Variants in TDRD9 observed in about 807,000 individuals in gnomAD.
TDRD9 encodes ATP-dependent RNA helicase TDRD9.
TDRD9 carries 124 observed loss-of-function variants against 172.6 expected under a neutral mutation model. That is an observed-to-expected ratio of 0.72 (90% CI 0.62 to 0.83). The LOEUF is 0.83. Ranked by LOEUF, TDRD9 falls within the 40% of genes least tolerant of loss-of-function variation. The pLI, the probability that TDRD9 is intolerant of heterozygous loss-of-function variation, is 0.00. For synonymous variants in TDRD9, 619 were observed against 617.1 expected (o/e 1.00, Z -0.05); for missense variants, 1,479 against 1,714.1 (o/e 0.86, Z 2.42).
intron 13 of TDRD9, among the ~76,000 whole-genome samples, chr14:104,003,711 C>A (rs1001750558): frequency 2.0e-5 from 3 of 151,982 alleles, no homozygotes; most frequent in African/African-American, 7.3e-5. Context: ...TGTGGGCCAG[C>A]CTTGGTTCTG....
chr14:104,043,344 C>T (rs1322296332), intron 34 of TDRD9, among the ~76,000 whole-genome samples: 4 of 151,906 alleles, frequency 2.6e-5, no homozygotes, highest in South Asian at 2.1e-4. Flanking sequence ...CGGGTTCAAG[C>T]GATTCTCCTG....
chr14:104,036,799 A>G (rs2035462400), intron 32 of TDRD9, among the ~76,000 whole-genome samples: 1 of 152,222 alleles, frequency 6.6e-6, no homozygotes, highest in African/African-American at 2.4e-5. Flanking sequence ...TTGTTGAATT[A>G]ACTGAAATGT....
At position 104,026,033 on chromosome 14, in the gene TDRD9, G is replaced by C; in HGVS notation, c.2932-14G>C. 3 of 1,556,662 alleles carry C rather than the reference G, an allele frequency of 1.9e-6. No homozygotes were observed. Among genetic ancestry groups the C allele is most frequent in the Non-Finnish European group, 2.7e-6 (3 of 1,127,862 alleles). ...TGACCCCGTCGTAAAGTGTATACTTGCTTTATTTTCTAGGTATTCTTTGTA... is the reference window on the plus strand; with the variant it reads ...TGACCCCGTCGTAAAGTGTATACTTCCTTTATTTTCTAGGTATTCTTTGTA... On this transcript the variant is annotated splice_polypyrimidine_tract_variant and intron_variant, in intron 26 of 35. Coordinates refer to ENST00000409874, the MANE Select transcript of TDRD9 (RefSeq NM_153046.3).
Position 104,042,139 on chromosome 14 carries a change from CAG to C in TDRD9, c.3933_3934del (p.Arg1311SerfsTer31). On this transcript the variant is annotated frameshift_variant, in exon 34 of 36. Transcript: ENST00000409874. LOFTEE classifies it high-confidence loss of function. Reference sequence around the variant, plus strand: ...CCAAATGGATGCAAGTGTCTTGGGCCAGAGAGAGTTGCGCAGCTTCAAGACAT... The same window carrying C: ...CCAAATGGATGCAAGTGTCTTGGGCCAGAGAGTTGCGCAGCTTCAAGACAT... The C allele has an allele frequency of 6.2e-7, 1 of 1,613,718 alleles. No homozygotes were observed. Among genetic ancestry groups the C allele is most frequent in the Non-Finnish European group, 8.5e-7 (1 of 1,179,658 alleles).
chr14:103,962,134 A>G (rs2032537074), intron 2 of TDRD9, among the ~76,000 whole-genome samples: 1 of 152,186 alleles, frequency 6.6e-6, no homozygotes, highest in East Asian at 1.9e-4. Context: ...GAGGGCAGAG[A>G]AGTGTGCCTG....
chr14:104,026,085 T>C lies in TDRD9; in HGVS notation c.2970T>C (p.Asp990=). 2 of 1,611,888 alleles carry C rather than the reference T, an allele frequency of 1.2e-6. No individual in the cohort carries two copies. Among genetic ancestry groups the C allele is most frequent in the Non-Finnish European group, 8.5e-7 (1 of 1,177,930 alleles). The change falls in exon 27 of 36, where the codon GAT becomes GAC. Residue 990 remains aspartate (D), a synonymous_variant. Transcript: ENST00000409874. ...FVDYGNKSHV[D]LHLLMEIPCQ... ...ATTATGGCAATAAGTCTCATGTAGA[T>C]CTACATCTTTTGATGGAGATTCCCT...
chr14:103,983,780 G>A (rs1197370382), intron 7 of TDRD9, among the ~76,000 whole-genome samples: 1 of 152,188 alleles, frequency 6.6e-6, no homozygotes, highest in African/African-American at 2.4e-5. Context: ...TGAGTAACAA[G>A]GCAGAGGATG....
chr14:103,948,424 A>T (rs1442222184), intron 1 of TDRD9, among the ~76,000 whole-genome samples: 1 of 152,142 alleles, frequency 6.6e-6, no homozygotes. Flanking sequence ...TGCTGTGGAA[A>T]ACAGTATGGT....
intron 1 of TDRD9, among the ~76,000 whole-genome samples, chr14:103,945,942 C>T (rs887814016): frequency 2.0e-4 from 30 of 151,248 alleles, no homozygotes; most frequent in African/African-American, 6.1e-4. Context: ...AAGGATTTTT[C>T]ATTGTGGGAA....
intron 3 of TDRD9, among the ~76,000 whole-genome samples, chr14:103,963,988 C>CTTGTT (rs2032624942): frequency 6.6e-6 from 1 of 152,132 alleles, no homozygotes; most frequent in South Asian, 2.1e-4. Context: ...GTGGAAGTTA[C>CTTGTT]TTGTTTCCAA....
intron 28 of TDRD9, 41 bp downstream of exon 28, chr14:104,026,980 G>A (rs2035143653): frequency 1.3e-6 from 2 of 1,598,726 alleles, no homozygotes; most frequent in Non-Finnish European, 1.7e-6. Context: ...GTTTGTGTGA[G>A]AGAGAACGGG....
Position 103,994,598 on chromosome 14 carries a change from A to G in TDRD9, c.1315A>G (p.Arg439Gly), listed in dbSNP as rs768374091. The change falls in exon 11 of 36, where the codon AGA becomes GGA. Residue 439 changes from arginine (R) to glycine (G), a missense_variant. By Grantham distance (125) the Arg-to-Gly change is moderately radical. Coordinates refer to ENST00000409874, the MANE Select transcript of TDRD9 (RefSeq NM_153046.3). ...CTTTTTAAGTCCAGTCCCTGGGTAC[A>G]GAAAGGTAGGAAAACTGGGAAGACA... ...NVFLSPVPGYRKIILSTNIAE... is the reference protein window; with the variant it reads ...NVFLSPVPGYGKIILSTNIAE... The G allele has an allele frequency of 6.2e-7, 1 of 1,612,630 alleles. No individual in the cohort carries two copies. Among genetic ancestry groups the G allele is most frequent in the South Asian group, 1.1e-5 (1 of 90,838 alleles).
intron 35 of TDRD9, among the ~76,000 whole-genome samples, chr14:104,050,115 G>A (rs1282295960): frequency 1.3e-5 from 2 of 152,276 alleles, no homozygotes; most frequent in East Asian, 1.9e-4. Flanking sequence ...GCAGACATTT[G>A]TTCTCACAGC....
At chr14:104,023,518 G>A (rs1351739716) in intron 24 of TDRD9, among the ~76,000 whole-genome samples, 1 of 152,236 alleles carries the variant, frequency 6.6e-6, no homozygotes, top group Admixed American at 6.5e-5. Context: ...AGGGCTGTCT[G>A]TAGGGCTGGT....
chr14:104,014,884 T>G lies in TDRD9; in HGVS notation c.2223+43T>G, dbSNP rs2034738636. ...GGATATTTTTTTTCCTGATTCTTTCTGCTTACAAGGTCTTGTGGTCGAGAA... is the reference window on the plus strand; with the variant it reads ...GGATATTTTTTTTCCTGATTCTTTCGGCTTACAAGGTCTTGTGGTCGAGAA... On this transcript the variant is annotated intron_variant, in intron 21 of 35. Coordinates refer to ENST00000409874, the MANE Select transcript of TDRD9 (RefSeq NM_153046.3). 10 of 1,191,030 alleles carry G rather than the reference T, an allele frequency of 8.4e-6. No homozygotes were observed. In the East Asian group the frequency reaches 2.4e-4, roughly 28 times the overall value. 73.8% of individuals were successfully genotyped at this position (1,191,030 alleles called of 1,614,324 possible).
intron 15 of TDRD9, 114 bp downstream of exon 15, chr14:104,005,519 C>T: frequency 2.6e-6 from 3 of 1,170,342 alleles, no homozygotes; most frequent in Non-Finnish European, 3.7e-6. Flanking sequence ...CCTCACTTTC[C>T]CGCTAACTCT....
chr14:103,941,005 C>A, intron 1 of TDRD9: 2 of 1,535,350 alleles, frequency 1.3e-6, no homozygotes, highest in Non-Finnish European at 1.7e-6. Context: ...TTGCTCACTC[C>A]CTCTGTCAGA....
Position 103,975,492 on chromosome 14 carries a change from G to A in TDRD9, c.950G>A (p.Gly317Asp). ...MNPAYIFEVE[G>D]KPHSVEEYYL... ...CCTGCATATATTTTTGAAGTGGAAG[G>A]CAAGCCCCATTCAGTTGAAGAGTAT... The change falls in exon 7 of 36, where the codon GGC becomes GAC. Residue 317 changes from glycine (G) to aspartate (D), a missense_variant. By Grantham distance (94) the Gly-to-Asp change is moderately conservative. Around this residue, in one of 3 missense-constraint regions of TDRD9, gnomAD observed 1,413 missense variants for 1,649.1 expected, o/e 0.86. Coordinates refer to ENST00000409874, the MANE Select transcript of TDRD9 (RefSeq NM_153046.3). The A allele has an allele frequency of 6.2e-7, 1 of 1,613,594 alleles. No individual in the cohort carries two copies. Among genetic ancestry groups the A allele is most frequent in the Non-Finnish European group, 8.5e-7 (1 of 1,179,734 alleles).
intron 32 of TDRD9, among the ~76,000 whole-genome samples, chr14:104,038,944 A>G (rs2035531379): frequency 6.6e-6 from 1 of 152,216 alleles, no homozygotes. Flanking sequence ...TGCTGGGATT[A>G]CAGGCGTGAG....
Sources: gnomAD v4.1 joint callset for allele counts (sites outside exome capture counted in the v4.1 genomes callset) on GRCh38, gnomAD v4.1.1 for gene constraint, gnomAD v4.1.1 regional missense constraint, MANE v1.5 for transcripts, NCBI Gene and HGNC (gene_info 2026-07-23, HGNC 2026-07-21) for gene names.